Variants in NR5A2 observed in about 807,000 individuals in gnomAD.
NR5A2 encodes nuclear receptor subfamily 5 group A member 2.
In NR5A2, 26 loss-of-function variants were observed where a neutral mutation model predicts 62.7. That is an observed-to-expected ratio of 0.41 (90% CI 0.30 to 0.58). The LOEUF (loss-of-function observed/expected upper bound fraction) is 0.58. NR5A2 is among the 20% of genes least tolerant of loss of function. NR5A2 has a pLI of 0.22. For synonymous variants in NR5A2, 246 were observed against 241.7 expected (o/e 1.02, Z -0.16); for missense variants, 541 against 669.1 (o/e 0.81, Z 2.11).
intron 5 of NR5A2, among the ~76,000 whole-genome samples, chr1:200,101,786 G>A (rs988465098): frequency 6.6e-6 from 1 of 152,170 alleles, no homozygotes; most frequent in Non-Finnish European, 1.5e-5. Flanking sequence ...CAGATATGAT[G>A]AACTTATCAT....
chr1:200,107,489 A>C (rs1380409145), intron 5 of NR5A2, among the ~76,000 whole-genome samples: 1 of 151,792 alleles, frequency 6.6e-6, no homozygotes, highest in Non-Finnish European at 1.5e-5. Flanking sequence ...CACAGAATAC[A>C]AAACAAAAAT....
At chr1:200,114,513 A>G (rs1666128966) in intron 6 of NR5A2, among the ~76,000 whole-genome samples, 1 of 152,112 alleles carries the variant, frequency 6.6e-6, no homozygotes, top group Non-Finnish European at 1.5e-5. Flanking sequence ...CTCCATTCCA[A>G]AACTTCCTGG....
intron 7 of NR5A2, among the ~76,000 whole-genome samples, chr1:200,146,416 T>C (rs1352397142): frequency 1.3e-5 from 2 of 152,212 alleles, no homozygotes; most frequent in Non-Finnish European, 2.9e-5. Context: ...CAACACAGGA[T>C]AGTCGGTTTT....
intron 5 of NR5A2, chr1:200,054,281 T>G (rs753517924): frequency 2.0e-5 from 3 of 152,236 alleles, no homozygotes; most frequent in Non-Finnish European, 2.9e-5. Context: ...TTTTTAGAAA[T>G]TAAGAGCTAA....
At position 200,043,757 on chromosome 1, in the gene NR5A2, T is replaced by G; in HGVS notation, c.203-17T>G. ...AAATTAATTGAATATGTGTATACAT[T>G]TCTCTTTTTGTTTCAGTGTCTCAAT... On this transcript the variant is annotated splice_polypyrimidine_tract_variant and intron_variant, in intron 2 of 7. Coordinates refer to ENST00000367362, the MANE Select transcript of NR5A2 (RefSeq NM_205860.3). 3 of 1,508,350 alleles carry G rather than the reference T, an allele frequency of 2.0e-6. No individual in the cohort carries two copies. The highest frequency in any genetic ancestry group is 2.8e-6 in the Non-Finnish European group (3 of 1,085,848). 93.4% of individuals were successfully genotyped at this position (1,508,350 alleles called of 1,614,324 possible). A position where few individuals can be genotyped will look rare whatever the true frequency, so the allele number is the denominator to read the frequency against.
At chr1:200,125,307 A>C (rs1666656367) in intron 7 of NR5A2, among the ~76,000 whole-genome samples, 1 of 152,256 alleles carries the variant, frequency 6.6e-6, no homozygotes, top group Non-Finnish European at 1.5e-5. Flanking sequence ...GCATTGATAC[A>C]ATCCTGTTTC....
intron 6 of NR5A2, among the ~76,000 whole-genome samples, chr1:200,120,488 A>T (rs755019901): frequency 6.6e-6 from 1 of 152,254 alleles, no homozygotes; most frequent in African/African-American, 2.4e-5. Flanking sequence ...TTTATCAGAC[A>T]TAGTAATTCT....
intron 5 of NR5A2, among the ~76,000 whole-genome samples, chr1:200,064,174 C>T (rs72739188): frequency 0.076 from 11,566 of 151,896 alleles, 449 homozygotes; most frequent in Middle Eastern, 0.11. Flanking sequence ...GGACGAGAGC[C>T]GTCTTCACTT....
At chr1:200,163,486 G>GT (rs560600548) in intron 7 of NR5A2, among the ~76,000 whole-genome samples, 2,088 of 142,036 alleles carry the variant, frequency 0.015, 27 homozygotes, top group Admixed American at 0.021. Context: ...TTTGTTTATT[G>GT]TTTTTTTTTT....
chr1:200,173,936 C>CTTTT (rs3034024), intron 7 of NR5A2, 27 bp from the exon 8 acceptor site: 9 of 1,237,572 alleles, frequency 7.3e-6, no homozygotes, highest in African/African-American at 3.4e-5. Context: ...TGAAATGTTG[C>CTTTT]TTTTTTTTTT....
intron 5 of NR5A2, among the ~76,000 whole-genome samples, chr1:200,108,081 CGTGT>C (rs71132660): frequency 0.022 from 3,222 of 146,760 alleles, 103 homozygotes; most frequent in African/African-American, 0.073. Context: ...AGAAGACATA[CGTGT>C]GTGTGTGTGT....
chr1:200,164,075 T>C (rs1653781149), intron 7 of NR5A2, among the ~76,000 whole-genome samples: 1 of 152,030 alleles, frequency 6.6e-6, no homozygotes, highest in Admixed American at 6.5e-5. Context: ...ATCACCTCCC[T>C]ACACATACTC....
intron 7 of NR5A2, among the ~76,000 whole-genome samples, chr1:200,168,838 T>G (rs996164363): frequency 1.3e-5 from 2 of 152,222 alleles, no homozygotes; most frequent in Admixed American, 6.5e-5. Context: ...ATTATCCATA[T>G]TTAGCCCTTT....
intron 5 of NR5A2, among the ~76,000 whole-genome samples, chr1:200,081,506 CAA>C (rs1288916947): frequency 2.0e-5 from 3 of 152,188 alleles, no homozygotes; most frequent in African/African-American, 7.2e-5. Context: ...CCACATCTGT[CAA>C]AGTCTCCCAG....
intron 2 of NR5A2, chr1:200,043,046 G>T (rs747691776): frequency 1.0e-6 from 1 of 971,424 alleles, no homozygotes; most frequent in Non-Finnish European, 1.2e-6. Context: ...AAACCCTTCT[G>T]TGTGTCTTTT....
At chr1:200,131,556 C>G (rs559193150) in intron 7 of NR5A2, among the ~76,000 whole-genome samples, 1 of 152,276 alleles carries the variant, frequency 6.6e-6, no homozygotes, top group South Asian at 2.1e-4. Flanking sequence ...CAAGAAAAAT[C>G]AAGTGAGAAT....
chr1:200,133,522 TATATACACACACATATATATATATACAC>T (rs1667063087), intron 7 of NR5A2, among the ~76,000 whole-genome samples: 6 of 97,918 alleles, frequency 6.1e-5, no homozygotes, highest in South Asian at 6.3e-4. Flanking sequence ...TATATATATA[TATATACACACACATATATATATATACAC>T]ATATATACAC....
intron 7 of NR5A2, among the ~76,000 whole-genome samples, chr1:200,144,004 A>T (rs1370722889): frequency 1.3e-5 from 2 of 152,012 alleles, no homozygotes; most frequent in Admixed American, 1.3e-4. Flanking sequence ...AGAGATGTTG[A>T]CATTGTTTGA....
chr1:200,068,208 A>G (rs113023004), intron 5 of NR5A2, among the ~76,000 whole-genome samples: 6 of 152,290 alleles, frequency 3.9e-5, no homozygotes, highest in African/African-American at 1.4e-4. Flanking sequence ...AATCCAAGCT[A>G]TAGTCTTTCC....
Sources: gnomAD v4.1 joint callset for allele counts (sites outside exome capture counted in the v4.1 genomes callset) on GRCh38, gnomAD v4.1.1 for gene constraint, MANE v1.5 for transcripts, NCBI Gene and HGNC (gene_info 2026-07-23, HGNC 2026-07-21) for gene names.